Variants in ATP2B2 observed in about 807,000 individuals in gnomAD.
ATP2B2 encodes the protein ATPase plasma membrane Ca2+ transporting 2, also known as plasma membrane calcium-transporting ATPase 2.
A neutral mutation model predicts 120.0 loss-of-function variants in ATP2B2; 15 were observed. That is an observed-to-expected ratio of 0.12 (90% CI 0.08 to 0.19). The LOEUF (loss-of-function observed/expected upper bound fraction) is 0.19, where lower values mean the gene tolerates loss of function less well. Ranked by LOEUF, ATP2B2 falls within the 10% of genes least tolerant of loss-of-function variation. ATP2B2 has a pLI of 1.00. For missense variants in ATP2B2, 1,045 were observed against 1,719.8 expected, an observed-to-expected ratio of 0.61 and a Z score of 6.94; for synonymous variants, 694 against 700.3, an observed-to-expected ratio of 0.99 and a Z score of 0.14.
chr3:10,684,653 G>A lies in ATP2B2; in HGVS notation c.-460+23262C>T, dbSNP rs575063737. Among the ~76,000 whole-genome samples, 7 of 152,322 alleles carry A rather than the reference G, an allele frequency of 4.6e-5. No individual in the cohort carries two copies. The South Asian group carries it at 1.4e-3, about 32-fold the overall frequency. On this transcript the variant is annotated intron_variant, in intron 1 of 21. Coordinates refer to the ATP2B2 transcript ENST00000646379. ...TCATCGTTAGAGTATCTGGGGCAAT[G>A]GGACCTAAGCTCTGAAAGCAATTTC...
chr3:10,682,135 C>A (rs80353808), intron 1 of ATP2B2, among the ~76,000 whole-genome samples: 31 of 152,342 alleles, frequency 2.0e-4, no homozygotes, highest in Non-Finnish European at 1.5e-4. Context: ...GATTCCATAA[C>A]ACGAGACTGA....
At chr3:10,459,690 GGAA>G (rs2064405866) in intron 1 of ATP2B2, among the ~76,000 whole-genome samples, 1 of 152,220 alleles carries the variant, frequency 6.6e-6, no homozygotes. Flanking sequence ...GAAGAGGCTT[GGAA>G]GAAGAACAAA....
At chr3:10,373,058 G>C (rs1052007849) in intron 11 of ATP2B2, among the ~76,000 whole-genome samples, 7 of 152,152 alleles carry the variant, frequency 4.6e-5, no homozygotes, top group African/African-American at 1.7e-4. Flanking sequence ...GTATTAGTAG[G>C]ATTATATTCT....
rs1370944 is a variant in ATP2B2 at position 10,457,634 on chromosome 3, T to C, written c.-319-7772A>G. On this transcript the variant is annotated intron_variant, in intron 1 of 22. Transcript: ENST00000360273. ...CCTGTCTCTGGGTGTGCAAGCCCCATGATGTGTGAGTGTCTGTGTATGTGC... is the reference window on the plus strand; with the variant it reads ...CCTGTCTCTGGGTGTGCAAGCCCCACGATGTGTGAGTGTCTGTGTATGTGC... Among the ~76,000 whole-genome samples the C allele has an allele frequency of 2.8e-3, 421 of 151,962 alleles. 3 individuals carry two copies. The highest frequency in any genetic ancestry group is 9.5e-3 in the African/African-American group (395 of 41,426).
intron 2 of ATP2B2, among the ~76,000 whole-genome samples, chr3:10,561,304 A>C (rs539325611): frequency 6.6e-6 from 1 of 152,326 alleles, no homozygotes; most frequent in Non-Finnish European, 1.5e-5. Context: ...ATGTATGGAC[A>C]TATAGCCAGA....
intron 2 of ATP2B2, among the ~76,000 whole-genome samples, chr3:10,563,676 C>G (rs75659247): frequency 0.1 from 15,553 of 152,294 alleles, 910 homozygotes; most frequent in African/African-American, 0.15. Flanking sequence ...CCTCTGAGCA[C>G]CCAGTACTGT....
At chr3:10,337,730 C>T (rs1014610387) in intron 22 of ATP2B2, among the ~76,000 whole-genome samples, 3 of 152,044 alleles carry the variant, frequency 2.0e-5, no homozygotes, top group Non-Finnish European at 2.9e-5. Flanking sequence ...CTGAAGCCCC[C>T]GTGGAGGCGG....
chr3:10,650,367 T>G (rs1348303617), intron 1 of ATP2B2, among the ~76,000 whole-genome samples: 3 of 152,118 alleles, frequency 2.0e-5, no homozygotes, highest in Non-Finnish European at 1.5e-5. Context: ...GAGAGACGAT[T>G]TAAGGTATAT....
chr3:10,412,657 A>T (rs576045786), intron 2 of ATP2B2, among the ~76,000 whole-genome samples: 1 of 151,874 alleles, frequency 6.6e-6, no homozygotes, highest in South Asian at 2.1e-4. Flanking sequence ...CAGGCTTACC[A>T]CTTCCCCAGA....
intron 1 of ATP2B2, among the ~76,000 whole-genome samples, chr3:10,491,645 C>A (rs2065940176): frequency 6.6e-6 from 1 of 152,194 alleles, no homozygotes; most frequent in African/African-American, 2.4e-5. Context: ...CATTCCATGA[C>A]TGCTGAGCCA....
Position 10,324,404 on chromosome 3 carries a change from G to A in ATP2B2, c.*4410C>T, listed in dbSNP as rs2059828618. 1.3e-5 allele frequency: 2 copies of A among 152,240 alleles called. No individual in the cohort carries two copies. The highest frequency in any genetic ancestry group is 6.5e-5 in the Admixed American group (1 of 15,274). 9.4% of individuals were successfully genotyped at this position (152,240 alleles called of 1,614,324 possible). A position where few individuals can be genotyped will look rare whatever the true frequency, so the allele number is the denominator to read the frequency against. On this transcript the variant is annotated 3_prime_UTR_variant, in exon 23 of 23. Coordinates refer to ENST00000360273, the MANE Select transcript of ATP2B2 (RefSeq NM_001001331.4). ...TTCAGTGGAGGGGGTGATGGCTGCTGCCTGGGGCTGGGGACCCTCCTCCCC... is the reference window on the plus strand; with the variant it reads ...TTCAGTGGAGGGGGTGATGGCTGCTACCTGGGGCTGGGGACCCTCCTCCCC...
At chr3:10,537,111 C>G (rs1222262379) in intron 2 of ATP2B2, among the ~76,000 whole-genome samples, 2 of 152,180 alleles carry the variant, frequency 1.3e-5, no homozygotes, top group African/African-American at 4.8e-5. Context: ...TGTGTCATAT[C>G]TCTGTCAATA....
chr3:10,413,905 C>A (rs773790733), intron 2 of ATP2B2, among the ~76,000 whole-genome samples: 1 of 152,284 alleles, frequency 6.6e-6, no homozygotes, highest in Admixed American at 6.5e-5. Context: ...GGGCCGTGGG[C>A]CTCTGAGGGA....
At chr3:10,481,311 CCT>C (rs2065402138) in intron 1 of ATP2B2, among the ~76,000 whole-genome samples, 1 of 152,036 alleles carries the variant, frequency 6.6e-6, no homozygotes, top group African/African-American at 2.4e-5. Context: ...CACCCCACCC[CCT>C]CTCTTTTTCT....
At chr3:10,596,041 G>A (rs950453013) in intron 2 of ATP2B2, among the ~76,000 whole-genome samples, 20 of 152,074 alleles carry the variant, frequency 1.3e-4, no homozygotes, top group African/African-American at 4.3e-4. Flanking sequence ...CTGCCCGCTT[G>A]TCACTCAGCT....
chr3:10,351,650 G>GT (rs2060581816), intron 14 of ATP2B2, among the ~76,000 whole-genome samples: 1 of 152,194 alleles, frequency 6.6e-6, no homozygotes, highest in African/African-American at 2.4e-5. Flanking sequence ...CAGTACCTGT[G>GT]TATGTGACCT....
intron 2 of ATP2B2, among the ~76,000 whole-genome samples, chr3:10,435,098 G>T (rs983413472): frequency 6.6e-6 from 1 of 152,190 alleles, no homozygotes; most frequent in African/African-American, 2.4e-5. Context: ...GCTGTGCGAC[G>T]TGGGCGAGTC....
At chr3:10,639,180 G>C (rs1203725009) in intron 1 of ATP2B2, among the ~76,000 whole-genome samples, 3 of 152,128 alleles carry the variant, frequency 2.0e-5, no homozygotes, top group African/African-American at 7.2e-5. Context: ...TAAAACTTCT[G>C]CTCTCGGAAA....
chr3:10,485,598 A>G (rs2065613601), intron 1 of ATP2B2, among the ~76,000 whole-genome samples: 1 of 152,138 alleles, frequency 6.6e-6, no homozygotes, highest in African/African-American at 2.4e-5. Flanking sequence ...AAGACACCAA[A>G]TTTACTCTGC....
Sources: gnomAD v4.1 joint callset for allele counts (sites outside exome capture counted in the v4.1 genomes callset) on GRCh38, gnomAD v4.1.1 for gene constraint, MANE v1.5 for transcripts, NCBI Gene and HGNC (gene_info 2026-07-23, HGNC 2026-07-21) for gene names.